FABP7: variants seen among roughly 807,000 people sequenced by gnomAD.
The protein encoded by FABP7 is fatty acid-binding protein, brain.
Under a neutral mutation model 14.2 loss-of-function variants are expected in FABP7, and 13 were observed. The ratio of observed to expected loss-of-function variants is 0.91; its 90% CI spans 0.59 to 1.45. The LOEUF is 1.45. Ranked by LOEUF, FABP7 falls within the 40% of genes most tolerant of loss-of-function variation. The pLI is 0.00. For missense variants in FABP7, 149 were observed against 157.6 expected (o/e 0.95, Z 0.29); for synonymous variants, 49 against 51.4 (o/e 0.95, Z 0.20).
rs760255124 is a variant in FABP7 at position 122,781,078 on chromosome 6, T to G, written c.247-15T>G. On this transcript the variant is annotated splice_polypyrimidine_tract_variant and intron_variant, in intron 2 of 3. Coordinates refer to ENST00000368444, the MANE Select transcript of FABP7 (RefSeq NM_001446.5). ...GTATTTATTGCTATGTTCTGCATTT[T>G]GTTGTTGGTCTCAGTCTGTTGTTAG... 1.2e-6 allele frequency: 2 copies of G among 1,606,286 alleles called. No individual in the cohort carries two copies. The highest frequency in any genetic ancestry group is 3.3e-4 in the Middle Eastern group (2 of 6,026).
the FABP7 span, among the ~76,000 whole-genome samples, chr6:122,755,609 A>G: frequency 6.6e-6 from 1 of 150,534 alleles, no homozygotes; most frequent in East Asian, 2.0e-4. Context: ...GCCTGCCACC[A>G]CGCCCGGCTA....
intron 3 of FABP7, chr6:122,782,000 C>A: frequency 1.1e-6 from 1 of 918,942 alleles, no homozygotes; most frequent in Non-Finnish European, 1.3e-6. Flanking sequence ...CCGCCTGCTG[C>A]CTCGGCCTCC....
chr6:122,758,913 C>T, the FABP7 span, among the ~76,000 whole-genome samples: 9 of 152,224 alleles, frequency 5.9e-5, no homozygotes, highest in Admixed American at 3.9e-4. Flanking sequence ...GACCACTGCT[C>T]AATAGGACAG....
the FABP7 span, among the ~76,000 whole-genome samples, chr6:122,774,359 CAAAAAAAAAAAAAAA>C: frequency 7.5e-5 from 5 of 66,624 alleles, 1 homozygote; most frequent in African/African-American, 3.4e-4. Flanking sequence ...TAGACTCTGT[CAAAAAAAAAAAAAAA>C]AAAAAAAAAA....
the FABP7 span, among the ~76,000 whole-genome samples, chr6:122,768,154 G>GA: frequency 2.6e-5 from 4 of 151,996 alleles, no homozygotes; most frequent in Admixed American, 2.0e-4. Flanking sequence ...TACAAGTCAA[G>GA]AAAAAATTAG....
the FABP7 span, among the ~76,000 whole-genome samples, chr6:122,750,793 T>C: frequency 3.9e-5 from 6 of 152,190 alleles, no homozygotes; most frequent in African/African-American, 1.4e-4. Context: ...GCAAAGCCAG[T>C]GAAGAGAGAA....
chr6:122,757,100 A>G, the FABP7 span, among the ~76,000 whole-genome samples: 2 of 152,204 alleles, frequency 1.3e-5, no homozygotes, highest in African/African-American at 4.8e-5. Flanking sequence ...CTAAGTGTAT[A>G]TCTTAACCAT....
At chr6:122,766,498 T>C in the FABP7 span, among the ~76,000 whole-genome samples, 617 of 152,220 alleles carry the variant, frequency 4.1e-3, 7 homozygotes, top group African/African-American at 0.014. Flanking sequence ...TGGAGGCAGA[T>C]GGTAGAGTAG....
At chr6:122,771,873 A>G in the FABP7 span, among the ~76,000 whole-genome samples, 1 of 152,190 alleles carries the variant, frequency 6.6e-6, no homozygotes, top group Non-Finnish European at 1.5e-5. Context: ...GGTTTTCTGT[A>G]TATTTCTATA....
chr6:122,757,090 C>T, the FABP7 span, among the ~76,000 whole-genome samples: 1 of 152,118 alleles, frequency 6.6e-6, no homozygotes, highest in Non-Finnish European at 1.5e-5. Context: ...CTGGTTTCTC[C>T]TAAGTGTATA....
the FABP7 span, among the ~76,000 whole-genome samples, chr6:122,762,327 A>G: frequency 6.6e-6 from 1 of 152,216 alleles, no homozygotes; most frequent in Non-Finnish European, 1.5e-5. Context: ...AAGGCCTTTG[A>G]CAAAATTCAA....
chr6:122,775,872 T>C (rs1322217479), upstream of FABP7, among the ~76,000 whole-genome samples: 1 of 151,812 alleles, frequency 6.6e-6, no homozygotes, highest in Non-Finnish European at 1.5e-5. Context: ...ATTATCTGAT[T>C]GAAAATTAGC....
chr6:122,750,015 C>T, the FABP7 span, among the ~76,000 whole-genome samples: 1 of 152,118 alleles, frequency 6.6e-6, no homozygotes. Flanking sequence ...ACCAGCTCAA[C>T]TAGCTGAAAA....
intron 3 of FABP7, 45 bp from the exon 4 acceptor site, chr6:122,783,672 G>T: frequency 6.4e-7 from 1 of 1,552,324 alleles, no homozygotes; most frequent in South Asian, 1.3e-5. Context: ...TTCGGTGACT[G>T]AAGTTCCTGT....
At chr6:122,753,784 G>GCCCCCCCCCCCCCCCCCCCCCCTCCCCC in the FABP7 span, among the ~76,000 whole-genome samples, 1 of 35,540 alleles carries the variant, frequency 2.8e-5, no homozygotes, top group African/African-American at 1.3e-4. Flanking sequence ...TCCAAATCCC[G>GCCCCCCCCCCCCCCCCCCCCCCTCCCCC]CCCCCCCCCC....
At chr6:122,779,047 G>T (rs930608525), upstream of FABP7, among the ~76,000 whole-genome samples, 6 of 152,052 alleles carry the variant, frequency 3.9e-5, no homozygotes, top group Non-Finnish European at 8.8e-5. Flanking sequence ...AGGACAACGG[G>T]ATCTTTAAAT....
At chr6:122,751,673 A>G in the FABP7 span, among the ~76,000 whole-genome samples, 1 of 152,228 alleles carries the variant, frequency 6.6e-6, no homozygotes, top group Admixed American at 6.5e-5. Flanking sequence ...GCAGAACTCA[A>G]CAAAGCTTTC....
upstream of FABP7, among the ~76,000 whole-genome samples, chr6:122,776,640 A>G (rs1780677891): frequency 6.6e-6 from 1 of 152,208 alleles, no homozygotes; most frequent in African/African-American, 2.4e-5. Flanking sequence ...AATAATTCAT[A>G]GCATTTTTCA....
At chr6:122,777,873 T>TAA (rs1409276459), upstream of FABP7, among the ~76,000 whole-genome samples, 13 of 151,308 alleles carry the variant, frequency 8.6e-5, no homozygotes, top group East Asian at 5.8e-4. Context: ...AATAAATAAA[T>TAA]ATAATTTTTT....
Sources: allele counts gnomAD v4.1 joint callset (sites outside exome capture counted in the v4.1 genomes callset), GRCh38; gene constraint gnomAD v4.1.1; transcripts MANE v1.5; gene names NCBI Gene and HGNC (gene_info 2026-07-23, HGNC 2026-07-21).